Variants in MAML3 observed in about 807,000 individuals in gnomAD.
The protein encoded by MAML3 is mastermind like transcriptional coactivator 3.
In MAML3, 27 loss-of-function variants were observed where a neutral mutation model predicts 101.9. The ratio of observed to expected loss-of-function variants is 0.27; its 90% CI spans 0.20 to 0.37. MAML3 has a LOEUF of 0.37. Ranked by LOEUF, MAML3 falls within the 10% of genes least tolerant of loss-of-function variation. MAML3 has a pLI of 1.00. For synonymous variants in MAML3, 501 were observed against 555.9 expected (o/e 0.90, Z 1.39); for missense variants, 1,316 against 1,444.9 (o/e 0.91, Z 1.45).
intron 1 of MAML3, among the ~76,000 whole-genome samples, chr4:139,987,423 C>A (rs912634459): frequency 2.0e-5 from 3 of 152,138 alleles, no homozygotes; most frequent in Non-Finnish European, 2.9e-5. Flanking sequence ...TCTTTTTGTT[C>A]TGTGGTGGGA....
chr4:139,987,443 G>A (rs559277755), intron 1 of MAML3, among the ~76,000 whole-genome samples: 3 of 152,276 alleles, frequency 2.0e-5, no homozygotes, highest in East Asian at 1.9e-4. Context: ...AACGCCGTGC[G>A]TCATCACTGA....
At chr4:140,127,468 A>G (rs2111034117) in intron 1 of MAML3, among the ~76,000 whole-genome samples, 1 of 152,336 alleles carries the variant, frequency 6.6e-6, no homozygotes, top group South Asian at 2.1e-4. Context: ...AGTCACTGCA[A>G]TGGGGCCTAA....
chr4:140,027,514 A>G (rs972209157), intron 1 of MAML3, among the ~76,000 whole-genome samples: 2 of 152,192 alleles, frequency 1.3e-5, no homozygotes, highest in Non-Finnish European at 2.9e-5. Context: ...AATTATTAAC[A>G]TCATTCTGTT....
At chr4:139,848,463 C>T (rs1482480763) in intron 2 of MAML3, among the ~76,000 whole-genome samples, 1 of 152,152 alleles carries the variant, frequency 6.6e-6, no homozygotes, top group Non-Finnish European at 1.5e-5. Flanking sequence ...CAAAAATAGC[C>T]CTTTAATGAT....
At chr4:140,041,958 C>T (rs1323335417) in intron 1 of MAML3, among the ~76,000 whole-genome samples, 1 of 152,192 alleles carries the variant, frequency 6.6e-6, no homozygotes, top group Non-Finnish European at 1.5e-5. Context: ...AATAGAACAA[C>T]TAACCTTTAC....
intron 2 of MAML3, among the ~76,000 whole-genome samples, chr4:139,842,631 C>T (rs7690651): frequency 0.037 from 5,671 of 151,850 alleles, 339 homozygotes; most frequent in African/African-American, 0.13. Context: ...GATTCTCATG[C>T]CTCAGCCTCC....
intron 2 of MAML3, among the ~76,000 whole-genome samples, chr4:139,763,152 T>C (rs971004245): frequency 5.3e-5 from 8 of 152,336 alleles, no homozygotes; most frequent in South Asian, 4.1e-4. Flanking sequence ...TAGGGTCTGA[T>C]TGAAAGATCT....
intron 1 of MAML3, among the ~76,000 whole-genome samples, chr4:140,122,791 CAAAAA>C (rs35276329): frequency 1.2e-4 from 10 of 82,946 alleles, no homozygotes; most frequent in Non-Finnish European, 2.3e-4. Context: ...GACTCCGTCT[CAAAAA>C]AAAAAAAAAA....
intron 1 of MAML3, among the ~76,000 whole-genome samples, chr4:140,047,870 G>C (rs1004425547): frequency 1.1e-4 from 16 of 152,004 alleles, no homozygotes; most frequent in African/African-American, 3.4e-4. Context: ...TTTAAATATT[G>C]TAAGTCAGCG....
intron 1 of MAML3, among the ~76,000 whole-genome samples, chr4:140,066,803 T>C (rs1727543892): frequency 6.6e-6 from 1 of 152,208 alleles, no homozygotes; most frequent in African/African-American, 2.4e-5. Context: ...TGCTGCTTCC[T>C]TTCTGGGAGA....
At chr4:140,094,934 G>A (rs763588122) in intron 1 of MAML3, among the ~76,000 whole-genome samples, 3 of 152,186 alleles carry the variant, frequency 2.0e-5, no homozygotes, top group African/African-American at 4.8e-5. Flanking sequence ...TTCTAGCTGT[G>A]CGTGGCAGCC....
At chr4:140,097,276 T>G (rs1186549230) in intron 1 of MAML3, among the ~76,000 whole-genome samples, 1 of 152,164 alleles carries the variant, frequency 6.6e-6, no homozygotes, top group East Asian at 1.9e-4. Context: ...ATGATAATCT[T>G]CTTTTGGTCT....
intron 2 of MAML3, among the ~76,000 whole-genome samples, chr4:139,836,395 C>T (rs1731256178): frequency 6.6e-6 from 1 of 152,188 alleles, no homozygotes; most frequent in South Asian, 2.1e-4. Flanking sequence ...AATCACAGAC[C>T]TCTGCAGTAT....
At chr4:140,000,203 T>C (rs1734896830) in intron 1 of MAML3, among the ~76,000 whole-genome samples, 1 of 152,232 alleles carries the variant, frequency 6.6e-6, no homozygotes. Context: ...GTCACAGTCA[T>C]CTTCATTTAC....
chr4:139,774,352 T>C (rs1484104911), intron 2 of MAML3, among the ~76,000 whole-genome samples: 1 of 152,256 alleles, frequency 6.6e-6, no homozygotes, highest in Non-Finnish European at 1.5e-5. Context: ...CTTATGTCTA[T>C]TTTGTTTACT....
intron 1 of MAML3, among the ~76,000 whole-genome samples, chr4:140,058,089 A>G (rs550021127): frequency 6.6e-6 from 1 of 152,306 alleles, no homozygotes; most frequent in Non-Finnish European, 1.5e-5. Flanking sequence ...AATGTAGATT[A>G]CTGAAGAAGT....
intron 1 of MAML3, among the ~76,000 whole-genome samples, chr4:140,105,699 G>A (rs540829138): frequency 3.4e-4 from 52 of 152,216 alleles, no homozygotes; most frequent in African/African-American, 1.1e-3. Flanking sequence ...GTAACTCTGG[G>A]AAGTTGCCTG....
At chr4:139,851,243 A>G (rs1035115507) in intron 2 of MAML3, among the ~76,000 whole-genome samples, 6 of 152,108 alleles carry the variant, frequency 3.9e-5, no homozygotes, top group Non-Finnish European at 8.8e-5. Context: ...TGACCATCCA[A>G]CTTCTTAAAG....
intron 2 of MAML3, among the ~76,000 whole-genome samples, chr4:139,810,391 T>C (rs1038980726): frequency 3.3e-5 from 5 of 152,202 alleles, no homozygotes; most frequent in Non-Finnish European, 4.4e-5. Context: ...GGTCTAGCTA[T>C]GTTGCCCAGG....
Sources: allele counts gnomAD v4.1 joint callset (sites outside exome capture counted in the v4.1 genomes callset), GRCh38; gene constraint gnomAD v4.1.1; transcripts MANE v1.5; gene names NCBI Gene and HGNC (gene_info 2026-07-23, HGNC 2026-07-21).